EFCAB5: variants seen among roughly 807,000 people sequenced by gnomAD.
The protein encoded by EFCAB5 is EF-hand calcium-binding domain-containing protein 5.
Under a neutral mutation model 167.9 loss-of-function variants are expected in EFCAB5, and 131 were observed. That is an observed-to-expected ratio of 0.78 (90% confidence interval 0.68 to 0.90). EFCAB5 has a LOEUF of 0.90. Among genes scored for constraint, EFCAB5 ranks in the 40% least tolerant of loss-of-function variants. The pLI is 0.00. For synonymous variants in EFCAB5, 574 were observed against 602.8 expected (o/e 0.95, Z 0.70); for missense variants, 1,663 against 1,745.2 (o/e 0.95, Z 0.84).
intron 7 of EFCAB5, among the ~76,000 whole-genome samples, chr17:30,031,405 G>A (rs1045971558): frequency 1.3e-5 from 2 of 152,162 alleles, no homozygotes; most frequent in African/African-American, 4.8e-5. Flanking sequence ...ATCTTGTTGG[G>A]TTTTCTCCTT....
chr17:29,937,366 T>A (rs2067254602), upstream of EFCAB5, among the ~76,000 whole-genome samples: 1 of 152,114 alleles, frequency 6.6e-6, no homozygotes, highest in Non-Finnish European at 1.5e-5. Context: ...TTCATATTTT[T>A]AGTAGAGACG....
chr17:29,992,264 A>C (rs1214981385), intron 4 of EFCAB5, among the ~76,000 whole-genome samples: 1 of 152,194 alleles, frequency 6.6e-6, no homozygotes, highest in African/African-American at 2.4e-5. Flanking sequence ...TTCACTTAGC[A>C]TAATGTTCTC....
At chr17:30,106,209 G>A (rs1351017732) in intron 22 of EFCAB5, among the ~76,000 whole-genome samples, 1 of 151,760 alleles carries the variant, frequency 6.6e-6, no homozygotes, top group East Asian at 1.9e-4. Context: ...AGGATTGCTT[G>A]AGGCCAGAAG....
rs149972851 is a variant in EFCAB5 at position 30,089,594 on chromosome 17, C to T, written c.3684-827C>T. 9.2e-5 allele frequency among the ~76,000 whole-genome samples: 14 copies of T among 152,268 alleles called. No individual in the cohort carries two copies. The South Asian group carries it at 1.9e-3, about 20-fold the overall frequency. On this transcript the variant is annotated intron_variant, in intron 19 of 22. Coordinates refer to ENST00000394835, the MANE Select transcript of EFCAB5 (RefSeq NM_198529.4). The stretch of plus-strand genomic sequence containing the variant: ...CTCAAGTCTCTCACTGAGGCAGATG[C>T]TATAGATGCTCTACCCAGATCCCCA...
intron 14 of EFCAB5, among the ~76,000 whole-genome samples, chr17:30,076,287 G>T (rs908688782): frequency 6.6e-6 from 1 of 152,192 alleles, no homozygotes; most frequent in African/African-American, 2.4e-5. Context: ...TCTGGCATTA[G>T]TCTGTACTAA....
intron 8 of EFCAB5, among the ~76,000 whole-genome samples, chr17:30,049,772 G>C (rs995930198): frequency 2.0e-5 from 3 of 152,182 alleles, no homozygotes; most frequent in Non-Finnish European, 4.4e-5. Flanking sequence ...TGGCAAGAAT[G>C]TAAATTGGTA....
At chr17:29,989,048 G>T (rs544675287) in intron 4 of EFCAB5, among the ~76,000 whole-genome samples, 80 of 152,284 alleles carry the variant, frequency 5.3e-4, no homozygotes, top group South Asian at 1.7e-3. Context: ...AATAGATTAC[G>T]TATGGCATAG....
intron 22 of EFCAB5, among the ~76,000 whole-genome samples, chr17:30,093,974 C>T (rs1265726222): frequency 6.6e-6 from 1 of 152,162 alleles, no homozygotes; most frequent in East Asian, 1.9e-4. Flanking sequence ...CAATCTGCTG[C>T]TGGAAGTTTA....
At chr17:29,944,776 A>T (rs2067365792) in intron 3 of EFCAB5, among the ~76,000 whole-genome samples, 1 of 151,744 alleles carries the variant, frequency 6.6e-6, no homozygotes, top group Non-Finnish European at 1.5e-5. Context: ...AGCACGTGCC[A>T]TCACACCCGG....
At chr17:30,031,373 G>A (rs955851483) in intron 7 of EFCAB5, among the ~76,000 whole-genome samples, 3 of 152,158 alleles carry the variant, frequency 2.0e-5, no homozygotes, top group Non-Finnish European at 2.9e-5. Flanking sequence ...TTGGTCTAGG[G>A]ATCACACTTT....
At chr17:30,077,431 A>G (rs1342509484) in intron 14 of EFCAB5, among the ~76,000 whole-genome samples, 1 of 152,184 alleles carries the variant, frequency 6.6e-6, no homozygotes, top group Non-Finnish European at 1.5e-5. Flanking sequence ...TAACTATAAT[A>G]ACATTGGGAA....
At chr17:30,068,476 T>C (rs2070637938) in intron 14 of EFCAB5, among the ~76,000 whole-genome samples, 2 of 151,412 alleles carry the variant, frequency 1.3e-5, no homozygotes, top group Admixed American at 1.3e-4. Flanking sequence ...CTATAAAACG[T>C]TGATGAAAGA....
At chr17:30,087,211 C>T (rs1367269103) in intron 19 of EFCAB5, 45 bp downstream of exon 19, 1 of 1,525,592 alleles carries the variant, frequency 6.6e-7, no homozygotes, top group Non-Finnish European at 9.1e-7. Context: ...ACACATCCTT[C>T]TGGTACAATA....
rs538632354 is a variant in EFCAB5 at position 30,108,157 on chromosome 17, G to A, written c.*133G>A. The A allele has an allele frequency of 3.7e-6, 4 of 1,088,982 alleles. No individual in the cohort carries two copies. The highest frequency in any genetic ancestry group is 1.8e-5 in the South Asian group (1 of 55,908). The allele number at this position is 1,088,982 out of a possible 1,614,324, so 67.5% of individuals were successfully genotyped here. A position where few individuals can be genotyped will look rare whatever the true frequency, so the allele number is the denominator to read the frequency against. On this transcript the variant is annotated 3_prime_UTR_variant, in exon 23 of 23. Coordinates refer to ENST00000394835, the MANE Select transcript of EFCAB5 (RefSeq NM_198529.4). Reference sequence around the variant, plus strand: ...TCTTCTGCTGCTAATATTTATCTCAGCACTTTCTAAACCCAAAAGTGCTAC... The same window carrying A: ...TCTTCTGCTGCTAATATTTATCTCAACACTTTCTAAACCCAAAAGTGCTAC...
chr17:30,021,895 G>A (rs1010627095), intron 7 of EFCAB5, among the ~76,000 whole-genome samples: 4 of 152,108 alleles, frequency 2.6e-5, no homozygotes, highest in African/African-American at 9.7e-5. Flanking sequence ...CACAGGTGCC[G>A]CCTAGTGGAG....
At position 30,011,497 on chromosome 17, in the gene EFCAB5, G is replaced by A. The variant is rs143818332; in HGVS notation, c.1044+11521G>A. ...TTATTTCATTGAGCAGTGGTTTGTG[G>A]TTCTCCTTGAAGAGGTCCTTCACAT... is the stretch of plus-strand genomic sequence containing the variant. On this transcript the variant is annotated intron_variant, in intron 7 of 22. Transcript: ENST00000394835. 4.1e-4 allele frequency among the ~76,000 whole-genome samples: 62 copies of A among 152,194 alleles called. No homozygotes were observed. The East Asian group carries it at 0.011, about 28-fold the overall frequency.
intron 14 of EFCAB5, among the ~76,000 whole-genome samples, chr17:30,077,900 A>G (rs772846781): frequency 1.3e-5 from 2 of 152,230 alleles, no homozygotes; most frequent in Non-Finnish European, 2.9e-5. Context: ...GAGTAACAGG[A>G]TAGAATTAAG....
intron 4 of EFCAB5, among the ~76,000 whole-genome samples, chr17:29,985,307 C>G (rs1225620291): frequency 6.6e-6 from 1 of 152,178 alleles, no homozygotes; most frequent in Non-Finnish European, 1.5e-5. Flanking sequence ...TACCCCTAGA[C>G]AGATTTCTCA....
At chr17:30,040,364 G>C (rs2069737634) in intron 8 of EFCAB5, among the ~76,000 whole-genome samples, 1 of 152,194 alleles carries the variant, frequency 6.6e-6, no homozygotes, top group South Asian at 2.1e-4. Context: ...TCCATGATCT[G>C]ACCTATCAGT....
Sources: allele counts gnomAD v4.1 joint callset (sites outside exome capture counted in the v4.1 genomes callset), GRCh38; gene constraint gnomAD v4.1.1; transcripts MANE v1.5; gene names NCBI Gene and HGNC (gene_info 2026-07-23, HGNC 2026-07-21).